Variants in MMP16 observed in about 807,000 individuals in gnomAD.
The protein encoded by MMP16 is matrix metallopeptidase 16.
In MMP16, 12 loss-of-function variants were observed where a neutral mutation model predicts 67.8. That is an observed-to-expected ratio of 0.18 (90% confidence interval 0.11 to 0.29). MMP16 has a LOEUF of 0.29. Ranked by LOEUF, MMP16 falls within the 10% of genes least tolerant of loss-of-function variation. The pLI, the probability that MMP16 is intolerant of heterozygous loss-of-function variation, is 1.00. For missense variants in MMP16, 475 were observed against 765.7 expected (o/e 0.62, Z 4.48); for synonymous variants, 249 against 255.9 (o/e 0.97, Z 0.26).
intron 4 of MMP16, among the ~76,000 whole-genome samples, chr8:88,142,356 A>G (rs1451252808): frequency 1.3e-5 from 2 of 152,172 alleles, no homozygotes; most frequent in Non-Finnish European, 2.9e-5. Flanking sequence ...TTAAAGCTAT[A>G]TATTAGTCAT....
chr8:88,174,483 C>T (rs1426092200), intron 3 of MMP16, among the ~76,000 whole-genome samples: 2 of 152,120 alleles, frequency 1.3e-5, no homozygotes, highest in Non-Finnish European at 2.9e-5. Context: ...ACCAACTTTC[C>T]AACCATTACA....
At chr8:88,091,956 A>G (rs1808945487) in intron 6 of MMP16, among the ~76,000 whole-genome samples, 1 of 151,802 alleles carries the variant, frequency 6.6e-6, no homozygotes, top group Admixed American at 6.6e-5. Flanking sequence ...AGAAAATAAC[A>G]TTTTAGCATT....
At chr8:88,067,961 CTG>C (rs2118257194) in intron 7 of MMP16, among the ~76,000 whole-genome samples, 2 of 152,186 alleles carry the variant, frequency 1.3e-5, no homozygotes, top group South Asian at 4.1e-4. Flanking sequence ...TATACAGTAG[CTG>C]TGTATTTTAC....
In MMP16 at chr8:88,327,065, G is replaced by A. The variant is rs779778064; in HGVS notation, c.132+10C>T. 1.9e-6 allele frequency: 3 copies of A among 1,613,412 alleles called. No homozygotes were observed. Among genetic ancestry groups the A allele is most frequent in the South Asian group, 1.1e-5 (1 of 91,046 alleles). On this transcript the variant is annotated intron_variant, in intron 1 of 9. Transcript: ENST00000286614. The stretch of plus-strand genomic sequence containing the variant: ...CAGCGGGGGGAGGAAGAAAGCCCTC[G>A]CACTCTTACCTCCACATTGAAATAC...
At position 88,220,675 on chromosome 8, in the gene MMP16, G is replaced by A. The variant is rs564158310; in HGVS notation, c.133-23369C>T. 2.6e-5 allele frequency among the ~76,000 whole-genome samples: 4 copies of A among 152,194 alleles called. No individual in the cohort carries two copies. The East Asian group carries it at 5.8e-4, about 22-fold the overall frequency. Reference sequence around the variant, plus strand: ...ATTTCTTAGAGACATAATTATCTGTGAGGATGAAAGAAAAGTGTTATCAAC... The same window carrying A: ...ATTTCTTAGAGACATAATTATCTGTAAGGATGAAAGAAAAGTGTTATCAAC... On this transcript the variant is annotated intron_variant, in intron 1 of 9. Coordinates refer to ENST00000286614, the MANE Select transcript of MMP16 (RefSeq NM_005941.5).
At chr8:88,285,663 T>C (rs1810819122) in intron 1 of MMP16, among the ~76,000 whole-genome samples, 1 of 152,170 alleles carries the variant, frequency 6.6e-6, no homozygotes, top group Non-Finnish European at 1.5e-5. Context: ...TCTATTTATA[T>C]ATTTCACCCC....
rs1167461551 is a variant in MMP16 at position 88,041,643 on chromosome 8, C to T, written c.1642G>A (p.Asp548Asn). The part of the protein sequence containing the change: ...RVKEGHSPPD[D>N]VDIVIKLDNT... ...TCCAGTTTGATGACAATGTCTACAT[C>T]ATCTGGTGGGCTGTGTCCTTCTTTA... The change falls in exon 10 of 10, where the codon GAT becomes AAT. Residue 548 changes from aspartate (D) to asparagine (N), a missense_variant. This residue lies in a region of MMP16 where 80 missense variants were observed against 93.4 expected (regional missense o/e 0.86). Coordinates refer to ENST00000286614, the MANE Select transcript of MMP16 (RefSeq NM_005941.5). The surrounding 1 kb of genome is among the most constrained non-coding windows in gnomAD (Gnocchi z 6.0). 1 of 1,614,130 alleles carries T rather than the reference C, an allele frequency of 6.2e-7. No homozygotes were observed. The highest frequency in any genetic ancestry group is 1.1e-5 in the South Asian group (1 of 91,084).
chr8:88,210,448 C>T (rs1023362501), intron 1 of MMP16, among the ~76,000 whole-genome samples: 2 of 152,134 alleles, frequency 1.3e-5, no homozygotes, highest in Non-Finnish European at 1.5e-5. Flanking sequence ...TGTATTAATG[C>T]CCAGTTGATA....
intron 1 of MMP16, among the ~76,000 whole-genome samples, chr8:88,313,886 T>C (rs1306994622): frequency 2.0e-5 from 3 of 152,058 alleles, no homozygotes; most frequent in East Asian, 1.9e-4. Flanking sequence ...TACAGAACCA[T>C]AGAACCATCA....
intron 8 of MMP16, among the ~76,000 whole-genome samples, chr8:88,055,714 C>T (rs1032149726): frequency 6.6e-6 from 1 of 152,106 alleles, no homozygotes; most frequent in Non-Finnish European, 1.5e-5. Context: ...GAAGTCTTCA[C>T]AATTTATTGT....
chr8:88,149,405 G>GT, intron 4 of MMP16, among the ~76,000 whole-genome samples: 2 of 152,262 alleles, frequency 1.3e-5, no homozygotes, highest in African/African-American at 4.8e-5. Context: ...ACCTCTGGGG[G>GT]CAGGGCACAG....
At chr8:88,094,321 T>C (rs1029049144) in intron 6 of MMP16, among the ~76,000 whole-genome samples, 1 of 151,710 alleles carries the variant, frequency 6.6e-6, no homozygotes, top group African/African-American at 2.4e-5. Flanking sequence ...ATAGACTAAC[T>C]TATAAAGAAA....
intron 1 of MMP16, among the ~76,000 whole-genome samples, chr8:88,231,799 C>T (rs1450284064): frequency 6.6e-6 from 1 of 152,066 alleles, no homozygotes; most frequent in Non-Finnish European, 1.5e-5. Flanking sequence ...AAAACAAGTT[C>T]TGTAATATGA....
At chr8:88,286,848 G>C (rs1009249412) in intron 1 of MMP16, among the ~76,000 whole-genome samples, 1 of 152,142 alleles carries the variant, frequency 6.6e-6, no homozygotes, top group Non-Finnish European at 1.5e-5. Flanking sequence ...TGGGATTACA[G>C]GCATGAGCCA....
intron 6 of MMP16, among the ~76,000 whole-genome samples, chr8:88,080,009 A>G (rs1329226363): frequency 6.6e-6 from 1 of 152,176 alleles, no homozygotes; most frequent in Non-Finnish European, 1.5e-5. Flanking sequence ...TTCTTGTACT[A>G]TCTCATGGTA....
chr8:88,158,361 A>G (rs942119225), intron 4 of MMP16, among the ~76,000 whole-genome samples: 1 of 152,144 alleles, frequency 6.6e-6, no homozygotes, highest in Non-Finnish European at 1.5e-5. Flanking sequence ...AATGATCGCC[A>G]TTTTAAGTGG....
chr8:88,276,132 A>C (rs1470619220), intron 1 of MMP16, among the ~76,000 whole-genome samples: 1 of 152,102 alleles, frequency 6.6e-6, no homozygotes, highest in Non-Finnish European at 1.5e-5. Flanking sequence ...TAAGCAAATA[A>C]ATCATAAAAT....
intron 1 of MMP16, among the ~76,000 whole-genome samples, chr8:88,259,011 G>T (rs993093960): frequency 2.0e-5 from 3 of 152,150 alleles, no homozygotes; most frequent in Non-Finnish European, 4.4e-5. Context: ...CATGCCTCCT[G>T]CCTGCCTTCC....
intron 7 of MMP16, among the ~76,000 whole-genome samples, chr8:88,072,373 CTCTT>C (rs1808573646): frequency 6.6e-6 from 1 of 152,086 alleles, no homozygotes; most frequent in Admixed American, 6.6e-5. Context: ...GAACTTCTGA[CTCTT>C]TCTCCATAAT....
Sources: allele counts gnomAD v4.1 joint callset (sites outside exome capture counted in the v4.1 genomes callset), GRCh38; gene constraint gnomAD v4.1.1; regional missense constraint gnomAD v4.1.1; non-coding constraint Gnocchi (gnomAD v3.1); transcripts MANE v1.5; gene names NCBI Gene and HGNC (gene_info 2026-07-23, HGNC 2026-07-21).